The following DNER variants were observed in gnomAD, a reference collection of about 807,000 sequenced individuals.
DNER encodes delta/notch like EGF repeat containing.
In DNER, 33 loss-of-function variants were observed where a neutral mutation model predicts 78.2. The ratio of observed to expected loss-of-function variants is 0.42; its 90% confidence interval spans 0.32 to 0.56. The LOEUF (loss-of-function observed/expected upper bound fraction) is 0.56. DNER is among the 20% of genes least tolerant of loss of function. DNER has a pLI of 0.11. For missense variants in DNER, 918 were observed against 975.3 expected, an observed-to-expected ratio of 0.94 and a Z score of 0.78; for synonymous variants, 417 against 384.8, an observed-to-expected ratio of 1.08 and a Z score of -0.98.
At chr2:229,440,301 A>T (rs1381865808) in intron 8 of DNER, among the ~76,000 whole-genome samples, 1 of 152,150 alleles carries the variant, frequency 6.6e-6, no homozygotes, top group Non-Finnish European at 1.5e-5. Context: ...CACAGTTTGG[A>T]AGCATGCTTA....
chr2:229,510,803 C>T (rs935808291), intron 6 of DNER, among the ~76,000 whole-genome samples: 15 of 152,120 alleles, frequency 9.9e-5, no homozygotes, highest in African/African-American at 3.6e-4. Context: ...AATCTGGGGA[C>T]ACCATGTAAC....
At position 229,388,323 on chromosome 2, in the gene DNER, C is replaced by T. The variant is rs1574820194; in HGVS notation, c.1797G>A (p.Gln599=). 6.2e-7 allele frequency: 1 copy of T among 1,611,588 alleles called. No homozygotes were observed. The highest frequency in any genetic ancestry group is 8.5e-7 in the Non-Finnish European group (1 of 1,178,718). Residue 599 remains glutamine (Q), a synonymous_variant, in exon 11 of 13, where the codon CAG becomes CAA. Coordinates refer to ENST00000341772, the MANE Select transcript of DNER (RefSeq NM_139072.4). The part of the protein sequence containing the change: ...PCHHGGSCLD[Q]PNGYNCHCPH... ...GGCAGTGGCAGTTATAACCATTGGG[C>T]TGGTCCAGGCAGCTCCCACCATGGT...
At chr2:229,659,288 A>G (rs1426731639) in intron 1 of DNER, among the ~76,000 whole-genome samples, 1 of 152,186 alleles carries the variant, frequency 6.6e-6, no homozygotes, top group African/African-American at 2.4e-5. Flanking sequence ...ACAGATTTCA[A>G]TACTTAACCA....
intron 7 of DNER, among the ~76,000 whole-genome samples, chr2:229,474,208 A>G (rs1041137895): frequency 6.6e-6 from 1 of 152,180 alleles, no homozygotes; most frequent in African/African-American, 2.4e-5. Flanking sequence ...ACCTGGTGAC[A>G]CAGGCTCTTT....
At chr2:229,395,985 T>G (rs116561983) in intron 10 of DNER, among the ~76,000 whole-genome samples, 6,439 of 152,258 alleles carry the variant, frequency 0.042, 417 homozygotes, top group African/African-American at 0.15. Flanking sequence ...CAATCTTGTT[T>G]TCAGATAACA....
intron 1 of DNER, among the ~76,000 whole-genome samples, chr2:229,637,609 G>C (rs1291849077): frequency 6.6e-6 from 1 of 152,200 alleles, no homozygotes; most frequent in Non-Finnish European, 1.5e-5. Flanking sequence ...ATGTAATGGT[G>C]CTCTAGCGTG....
intron 5 of DNER, among the ~76,000 whole-genome samples, chr2:229,521,327 C>T (rs958110): frequency 0.25 from 38,193 of 152,060 alleles, 4,960 homozygotes; most frequent in East Asian, 0.34. Flanking sequence ...TGTAACGACA[C>T]AGCATTGGTC....
intron 1 of DNER, among the ~76,000 whole-genome samples, chr2:229,605,829 T>C (rs1273506156): frequency 1.3e-5 from 2 of 151,832 alleles, no homozygotes; most frequent in African/African-American, 2.4e-5. Flanking sequence ...GAGGCGGAGG[T>C]TGCAGTGAGC....
intron 2 of DNER, among the ~76,000 whole-genome samples, chr2:229,588,958 G>A (rs564232765): frequency 6.6e-6 from 1 of 152,366 alleles, no homozygotes; most frequent in East Asian, 1.9e-4. Flanking sequence ...TCTTCTGTGT[G>A]CTGATGGGTC....
chr2:229,404,876 A>G (rs1693346719), intron 10 of DNER, among the ~76,000 whole-genome samples: 1 of 152,224 alleles, frequency 6.6e-6, no homozygotes, highest in Non-Finnish European at 1.5e-5. Context: ...CTCTTGATAT[A>G]TAGAATCTTT....
chr2:229,522,855 G>A (rs1453091618), intron 5 of DNER, among the ~76,000 whole-genome samples: 4 of 152,118 alleles, frequency 2.6e-5, no homozygotes, highest in South Asian at 4.2e-4. Context: ...TATCATGGGA[G>A]GCTTCTTTCA....
At chr2:229,597,636 G>A (rs2154214818) in intron 1 of DNER, among the ~76,000 whole-genome samples, 1 of 152,212 alleles carries the variant, frequency 6.6e-6, no homozygotes. Context: ...CTAATGATGG[G>A]GAAAAATGAT....
intron 1 of DNER, among the ~76,000 whole-genome samples, chr2:229,679,277 T>C (rs1352704614): frequency 6.6e-6 from 1 of 152,222 alleles, no homozygotes; most frequent in Non-Finnish European, 1.5e-5. Flanking sequence ...ATTTCTATTA[T>C]AGTTAAATAA....
At chr2:229,557,899 A>T (rs939406323) in intron 4 of DNER, among the ~76,000 whole-genome samples, 2 of 152,226 alleles carry the variant, frequency 1.3e-5, no homozygotes, top group Non-Finnish European at 2.9e-5. Flanking sequence ...AGAAATATAG[A>T]TTATTCTATT....
intron 8 of DNER, among the ~76,000 whole-genome samples, chr2:229,432,987 T>C (rs1421058196): frequency 6.6e-6 from 1 of 152,182 alleles, no homozygotes; most frequent in Non-Finnish European, 1.5e-5. Flanking sequence ...TCGCCCAGGC[T>C]GGAGTGCAAA....
chr2:229,439,528 T>G (rs774353616), intron 8 of DNER, among the ~76,000 whole-genome samples: 9 of 152,204 alleles, frequency 5.9e-5, no homozygotes, highest in Non-Finnish European at 4.4e-5. Context: ...TTCTCAACGC[T>G]AAGCTCAGGC....
At chr2:229,645,294 T>A (rs1412542636) in intron 1 of DNER, among the ~76,000 whole-genome samples, 1 of 152,232 alleles carries the variant, frequency 6.6e-6, no homozygotes, top group African/African-American at 2.4e-5. Flanking sequence ...GACATGCATC[T>A]GGCCCAGGAA....
At chr2:229,454,052 G>C (rs1694518581) in intron 7 of DNER, among the ~76,000 whole-genome samples, 1 of 151,980 alleles carries the variant, frequency 6.6e-6, no homozygotes, top group African/African-American at 2.4e-5. Flanking sequence ...GCCCACGCCA[G>C]CCTGCTGCAA....
intron 12 of DNER, among the ~76,000 whole-genome samples, chr2:229,363,380 A>C (rs2106324827): frequency 6.6e-6 from 1 of 152,270 alleles, no homozygotes; most frequent in African/African-American, 2.4e-5. Flanking sequence ...GCTGCTGAAA[A>C]CTATGGAGAG....
Sources: allele counts gnomAD v4.1 joint callset (sites outside exome capture counted in the v4.1 genomes callset), GRCh38; gene constraint gnomAD v4.1.1; transcripts MANE v1.5; gene names NCBI Gene and HGNC (gene_info 2026-07-23, HGNC 2026-07-21).